Variants in COPG2 observed in about 807,000 individuals in gnomAD.
The protein encoded by COPG2 is coat protein complex I subunit gamma 2.
In COPG2, 37 loss-of-function variants were observed where a neutral mutation model predicts 46.3. That is an observed-to-expected ratio of 0.80 (90% CI 0.61 to 1.05). The LOEUF (loss-of-function observed/expected upper bound fraction) is 1.05, where lower values mean the gene tolerates loss of function less well. Ranked by LOEUF, COPG2 falls within the 50% of genes least tolerant of loss-of-function variation. COPG2 has a pLI of 0.00. For synonymous variants in COPG2, 159 were observed against 129.7 expected, an observed-to-expected ratio of 1.23 and a Z score of -1.53; for missense variants, 427 against 387.8, an observed-to-expected ratio of 1.10 and a Z score of -0.85.
intron 19 of COPG2, 108 bp from the exon 20 acceptor site, chr7:130,547,953 C>T: frequency 2.5e-6 from 1 of 397,642 alleles, no homozygotes; most frequent in Non-Finnish European, 4.4e-6. Flanking sequence ...CTCTACAGAG[C>T]AGGGTAGGTC....
chr7:130,514,533 G>C (rs1799662022), intron 20 of COPG2, among the ~76,000 whole-genome samples: 1 of 152,198 alleles, frequency 6.6e-6, no homozygotes, highest in Non-Finnish European at 1.5e-5. Flanking sequence ...AATTTGGCTA[G>C]GAAGTGCCAT....
chr7:130,558,372 T>C (rs1793665163), intron 12 of COPG2, among the ~76,000 whole-genome samples: 2 of 152,202 alleles, frequency 1.3e-5, no homozygotes, highest in South Asian at 4.1e-4. Context: ...GTAAGACGTC[T>C]GCTCCTGTTT....
intron 5 of COPG2, among the ~76,000 whole-genome samples, chr7:130,621,975 A>G (rs1795047677): frequency 6.6e-6 from 1 of 151,834 alleles, no homozygotes; most frequent in East Asian, 1.9e-4. Context: ...AAGACAACAA[A>G]AAAACTTTAT....
intron 5 of COPG2, among the ~76,000 whole-genome samples, chr7:130,630,254 T>C (rs1795205079): frequency 6.6e-6 from 1 of 152,158 alleles, no homozygotes; most frequent in Non-Finnish European, 1.5e-5. Context: ...TGTTTTGTAG[T>C]TTTTAGTCTA....
At chr7:130,640,036 T>TCCTA (rs1350788916) in intron 5 of COPG2, among the ~76,000 whole-genome samples, 6 of 152,016 alleles carry the variant, frequency 3.9e-5, no homozygotes, top group African/African-American at 1.5e-4. Context: ...TGCTGTCGTA[T>TCCTA]CCTAGTAAAG....
intron 5 of COPG2, among the ~76,000 whole-genome samples, chr7:130,639,395 G>T (rs1013898364): frequency 1.3e-4 from 20 of 152,046 alleles, no homozygotes; most frequent in African/African-American, 4.3e-4. Flanking sequence ...CATTTTGGGG[G>T]TATCTATTGA....
At chr7:130,558,220 T>C (rs1793662757) in intron 12 of COPG2, among the ~76,000 whole-genome samples, 1 of 151,974 alleles carries the variant, frequency 6.6e-6, no homozygotes, top group Admixed American at 6.6e-5. Context: ...GTGTTGGAGG[T>C]GGGGCCTGGT....
chr7:130,628,599 G>T (rs960413209), intron 5 of COPG2, among the ~76,000 whole-genome samples: 3 of 152,194 alleles, frequency 2.0e-5, no homozygotes. Flanking sequence ...AGAAAAAAGT[G>T]AATGTGATTT....
chr7:130,589,731 G>GA (rs1458768596), intron 9 of COPG2, among the ~76,000 whole-genome samples: 13 of 152,214 alleles, frequency 8.5e-5, no homozygotes, highest in African/African-American at 2.9e-4. Context: ...CCTGATAGAT[G>GA]AAAAAATAAT....
chr7:130,527,883 C>T (rs1334675845), intron 20 of COPG2, among the ~76,000 whole-genome samples: 2 of 152,052 alleles, frequency 1.3e-5, no homozygotes, highest in African/African-American at 4.8e-5. Flanking sequence ...GGGTTTCCAA[C>T]GCCTCGGTCC....
At chr7:130,518,576 T>G (rs1799698463) in intron 20 of COPG2, among the ~76,000 whole-genome samples, 1 of 152,174 alleles carries the variant, frequency 6.6e-6, no homozygotes, top group Non-Finnish European at 1.5e-5. Flanking sequence ...CTGATAATAC[T>G]GATGTTAATA....
At chr7:130,531,490 G>A (rs1407090729) in intron 20 of COPG2, among the ~76,000 whole-genome samples, 4 of 152,080 alleles carry the variant, frequency 2.6e-5, no homozygotes, top group Admixed American at 2.6e-4. Context: ...AGAAGAACAG[G>A]TGGAGGCCAA....
chr7:130,662,785 T>C (rs189319718), intron 4 of COPG2, among the ~76,000 whole-genome samples, 182 bp downstream of exon 4: 140 of 152,354 alleles, frequency 9.2e-4, no homozygotes, highest in Non-Finnish European at 1.4e-3. Context: ...GGAAAAGTTT[T>C]ACACTGCATA....
intron 9 of COPG2, among the ~76,000 whole-genome samples, chr7:130,578,579 C>G (rs1383178431): frequency 8.0e-5 from 12 of 150,810 alleles, no homozygotes; most frequent in African/African-American, 2.9e-4. Context: ...AAACCAAAGG[C>G]AAAGAAGTTG....
At chr7:130,513,820 A>G (rs1230505148) in intron 20 of COPG2, among the ~76,000 whole-genome samples, 1 of 152,182 alleles carries the variant, frequency 6.6e-6, no homozygotes, top group Non-Finnish European at 1.5e-5. Flanking sequence ...AAAACAAGTG[A>G]CTAACAGTTG....
chr7:130,544,349 G>A (rs1443889767), intron 20 of COPG2, among the ~76,000 whole-genome samples: 1 of 152,148 alleles, frequency 6.6e-6, no homozygotes, highest in Non-Finnish European at 1.5e-5. Flanking sequence ...GGAAGTGTAG[G>A]CAGAAAGTCA....
rs544328873 is a variant in COPG2, at chr7:130,610,793, G to A, written c.737+160C>T. ...AGAGCATACAGTAAGGTTAAAAAAA[G>A]TGTGACTTGAAATTCCATAATTTTT... On this transcript the variant is annotated intron_variant, in intron 9 of 23. Coordinates refer to ENST00000425248, the MANE Select transcript of COPG2 (RefSeq NM_012133.6). 9.6e-5 allele frequency: 71 copies of A among 740,922 alleles called. No homozygotes were observed. The African/African-American group carries it at 1.1e-3, about 12-fold the overall frequency. The allele number at this position is 740,922 out of a possible 1,614,324, so 45.9% of individuals were successfully genotyped here. A position where few individuals can be genotyped will look rare whatever the true frequency, so the allele number is the denominator to read the frequency against.
In COPG2 at chr7:130,521,505, G is replaced by A. The variant is rs1048198556; in HGVS notation, c.2150-12846C>T. Among the ~76,000 whole-genome samples the A allele has an allele frequency of 3.9e-5, 6 of 152,274 alleles. No homozygotes were observed. In the East Asian group the frequency reaches 1.2e-3, roughly 29 times the overall value. The stretch of plus-strand genomic sequence containing the variant: ...ACACAGGAGTGACACACAGTGTATG[G>A]GTGGTTAACAATGTGCTCTTCCAAG... On this transcript the variant is annotated intron_variant, in intron 20 of 23. Transcript: ENST00000425248.
chr7:130,512,702 G>A (rs1458152049), intron 20 of COPG2, among the ~76,000 whole-genome samples: 5 of 151,982 alleles, frequency 3.3e-5, no homozygotes, highest in African/African-American at 1.2e-4. Context: ...CCAAAATCAC[G>A]CCACTGCACT....
Sources: allele counts gnomAD v4.1 joint callset (sites outside exome capture counted in the v4.1 genomes callset), GRCh38; gene constraint gnomAD v4.1.1; transcripts MANE v1.5; gene names NCBI Gene and HGNC (gene_info 2026-07-23, HGNC 2026-07-21).